PDCD6IP: variants seen among roughly 807,000 people sequenced by gnomAD.
PDCD6IP encodes the protein programmed cell death 6-interacting protein.
PDCD6IP carries 43 observed loss-of-function variants against 103.7 expected under a neutral mutation model. The ratio of observed to expected loss-of-function variants is 0.41; its 90% CI spans 0.32 to 0.53. The LOEUF (loss-of-function observed/expected upper bound fraction) is 0.53. Ranked by LOEUF, PDCD6IP falls within the 20% of genes least tolerant of loss-of-function variation. The probability of loss-of-function intolerance (pLI) is 0.16; values close to 1 mark genes in which losing one functional copy is unlikely to be tolerated. For missense variants in PDCD6IP, 871 were observed against 1,036.7 expected (o/e 0.84, Z 2.20); for synonymous variants, 354 against 378.7 (o/e 0.93, Z 0.76).
At chr3:33,821,512 G>A (rs1392226154) in intron 3 of PDCD6IP, among the ~76,000 whole-genome samples, 1 of 152,054 alleles carries the variant, frequency 6.6e-6, no homozygotes, top group Non-Finnish European at 1.5e-5. Context: ...AGGGAGTAAA[G>A]CATAAGGCCA....
chr3:33,820,346 T>C (rs1696962111), intron 3 of PDCD6IP, among the ~76,000 whole-genome samples: 1 of 152,140 alleles, frequency 6.6e-6, no homozygotes, highest in African/African-American at 2.4e-5. Flanking sequence ...GCAACTAGCA[T>C]TCTTTCAGTC....
At position 33,867,538 on chromosome 3, in the gene PDCD6IP, T is replaced by G. The variant is rs1051294549; in HGVS notation, c.*1013T>G. On this transcript the variant is annotated 3_prime_UTR_variant, in exon 18 of 18. Coordinates refer to ENST00000307296, the MANE Select transcript of PDCD6IP (RefSeq NM_013374.6). The stretch of plus-strand genomic sequence containing the variant: ...GAATAGATCTAAGCCATTTAATTTT[T>G]TTTCCTTAAAGATTGGAGTATTTTA... 6.6e-6 allele frequency: 1 copy of G among 152,224 alleles called. No homozygotes were observed. Among genetic ancestry groups the G allele is most frequent in the Admixed American group, 6.5e-5 (1 of 15,286 alleles). 9.4% of individuals were successfully genotyped at this position (152,224 alleles called of 1,614,324 possible).
At chr3:33,864,931 A>G (rs955206409) in intron 16 of PDCD6IP, among the ~76,000 whole-genome samples, 2 of 152,186 alleles carry the variant, frequency 1.3e-5, no homozygotes, top group African/African-American at 4.8e-5. Context: ...TTTGGGGACT[A>G]GGAGGAGATG....
At chr3:33,806,825 T>C (rs1294953418) in intron 1 of PDCD6IP, among the ~76,000 whole-genome samples, 1 of 152,216 alleles carries the variant, frequency 6.6e-6, no homozygotes, top group African/African-American at 2.4e-5. Flanking sequence ...AGGAGTAGCT[T>C]ATGGTAGTTG....
At chr3:33,807,674 G>A (rs763641172) in intron 1 of PDCD6IP, among the ~76,000 whole-genome samples, 1 of 152,124 alleles carries the variant, frequency 6.6e-6, no homozygotes, top group Non-Finnish European at 1.5e-5. Flanking sequence ...CATCAGACAG[G>A]TACTTTTTCT....
chr3:33,828,751 A>T (rs1334815455), intron 6 of PDCD6IP, 102 bp from the exon 7 acceptor site: 3 of 1,269,900 alleles, frequency 2.4e-6, no homozygotes, highest in Non-Finnish European at 3.4e-6. Context: ...TAATGGGGTG[A>T]TTCTAATTTC....
At chr3:33,806,336 G>T (rs1247989349) in intron 1 of PDCD6IP, among the ~76,000 whole-genome samples, 1 of 152,006 alleles carries the variant, frequency 6.6e-6, no homozygotes, top group Admixed American at 6.6e-5. Context: ...CTTAAAGGAG[G>T]TATTATTACT....
In PDCD6IP at chr3:33,828,908, A is replaced by G; in HGVS notation, c.773A>G (p.Tyr258Cys). The change falls in exon 7 of 18, where the codon TAC (tyrosine) becomes TGC (cysteine). Residue 258 changes from tyrosine (Y) to cysteine (C), a missense_variant. By Grantham distance (194) the Tyr-to-Cys change is radical. Coordinates refer to ENST00000307296, the MANE Select transcript of PDCD6IP (RefSeq NM_013374.6). ...TGTATCATGCAGGCCAATGCTGAGTACCATCAGTCTATCCTGGCAAAACAG... is the reference window on the plus strand; with the variant it reads ...TGTATCATGCAGGCCAATGCTGAGTGCCATCAGTCTATCCTGGCAAAACAG... ...KHCIMQANAE[Y>C]HQSILAKQQK... 6.2e-7 allele frequency: 1 copy of G among 1,611,904 alleles called. No individual in the cohort carries two copies. Among genetic ancestry groups the G allele is most frequent in the Middle Eastern group, 1.7e-4 (1 of 6,054 alleles).
chr3:33,814,546 GAT>G (rs1036306103), intron 3 of PDCD6IP, among the ~76,000 whole-genome samples: 12 of 142,208 alleles, frequency 8.4e-5, no homozygotes, highest in African/African-American at 3.1e-4. Flanking sequence ...ATGTATATGT[GAT>G]ATATGTATAT....
chr3:33,849,674 C>G (rs1427282373), intron 12 of PDCD6IP, among the ~76,000 whole-genome samples: 2 of 152,140 alleles, frequency 1.3e-5, no homozygotes, highest in Non-Finnish European at 2.9e-5. Context: ...CATGTTAAAC[C>G]TCAAATTTGA....
rs1240708267 is a variant in PDCD6IP at position 33,825,178 on chromosome 3, C to G, written c.463-9C>G. The G allele has an allele frequency of 1.9e-6, 3 of 1,602,092 alleles. No individual in the cohort carries two copies. Among genetic ancestry groups the G allele is most frequent in the Middle Eastern group, 3.3e-4 (2 of 6,034 alleles). On this transcript the variant is annotated splice_polypyrimidine_tract_variant and intron_variant, in intron 4 of 17. Coordinates refer to ENST00000307296, the MANE Select transcript of PDCD6IP (RefSeq NM_013374.6). ...GTTCCTATAAAGAAATTCTTTTTCCCCCCTTTAGTTTGCTAGTGGTGCCTT... is the reference window on the plus strand; with the variant it reads ...GTTCCTATAAAGAAATTCTTTTTCCGCCCTTTAGTTTGCTAGTGGTGCCTT...
chr3:33,865,163 A>T (rs964632853), intron 16 of PDCD6IP, 80 bp from the exon 17 acceptor site: 1 of 963,068 alleles, frequency 1.0e-6, no homozygotes, highest in Non-Finnish European at 1.5e-6. Context: ...AGTTTCTCAT[A>T]TGTCCTTATT....
intron 6 of PDCD6IP, chr3:33,827,015 A>C: frequency 1.0e-6 from 1 of 993,212 alleles, no homozygotes; most frequent in Non-Finnish European, 1.2e-6. Context: ...AAAGGAAAAG[A>C]AAACTTAACA....
chr3:33,818,889 T>G (rs974430332), intron 3 of PDCD6IP, among the ~76,000 whole-genome samples: 2 of 152,158 alleles, frequency 1.3e-5, no homozygotes, highest in Non-Finnish European at 2.9e-5. Context: ...GTGATCTGTT[T>G]CTTTGCTCTT....
intron 1 of PDCD6IP, among the ~76,000 whole-genome samples, chr3:33,800,992 C>T (rs1372819074): frequency 1.3e-5 from 2 of 152,076 alleles, no homozygotes; most frequent in Non-Finnish European, 2.9e-5. Context: ...GGTAGTGGAC[C>T]TGTTGTAGAT....
chr3:33,816,503 TAAAAAAAAAAA>T (rs57317946), intron 3 of PDCD6IP, among the ~76,000 whole-genome samples: 5 of 57,636 alleles, frequency 8.7e-5, no homozygotes, highest in African/African-American at 2.7e-4. Flanking sequence ...AGATTCTGTC[TAAAAAAAAAAA>T]AAAAAAAAAA....
At position 33,842,010 on chromosome 3, in the gene PDCD6IP, C is replaced by T. The variant is rs146976979; in HGVS notation, c.1295C>T (p.Thr432Ile). 1.3e-4 allele frequency: 214 copies of T among 1,611,284 alleles called. 1 individual carries two copies. In the African/African-American group the frequency reaches 2.6e-3, roughly 20 times the overall value. Residue 432 changes from threonine to isoleucine, a missense_variant, in exon 10 of 18, where the codon ACT (threonine) becomes ATT (isoleucine). This residue lies in a region of PDCD6IP where 266 missense variants were observed against 390.5 expected (regional missense o/e 0.68). Coordinates refer to ENST00000307296, the MANE Select transcript of PDCD6IP (RefSeq NM_013374.6). ...RSVIEQGGIQ[T>I]VDQLIKELPE... The stretch of plus-strand genomic sequence containing the variant: ...GTGATTGAACAGGGAGGCATCCAGA[C>T]TGTTGATCAGTTGATTAAAGAACTG...
chr3:33,825,860 GCT>G (rs1697111085), intron 5 of PDCD6IP, among the ~76,000 whole-genome samples: 2 of 152,160 alleles, frequency 1.3e-5, no homozygotes, highest in Non-Finnish European at 2.9e-5. Flanking sequence ...TATAGGGGAA[GCT>G]GGGCTAATTT....
intron 9 of PDCD6IP, among the ~76,000 whole-genome samples, chr3:33,840,655 T>C (rs1196272810): frequency 1.3e-5 from 2 of 151,952 alleles, no homozygotes. Context: ...ACATAGTAGA[T>C]AGGGATATGT....
Sources: allele counts gnomAD v4.1 joint callset (sites outside exome capture counted in the v4.1 genomes callset), GRCh38; gene constraint gnomAD v4.1.1; regional missense constraint gnomAD v4.1.1; transcripts MANE v1.5; gene names NCBI Gene and HGNC (gene_info 2026-07-23, HGNC 2026-07-21).